SYNE1: variants seen among roughly 807,000 people sequenced by gnomAD.
SYNE1 encodes the protein nesprin-1.
SYNE1 carries 616 observed loss-of-function variants against 1,111.0 expected under a neutral mutation model. That is an observed-to-expected ratio of 0.55 (90% CI 0.52 to 0.59). The LOEUF (loss-of-function observed/expected upper bound fraction) is 0.59, where lower values mean the gene tolerates loss of function less well. SYNE1 is among the 20% of genes least tolerant of loss of function. The probability of loss-of-function intolerance (pLI) is 0.00; values close to 1 mark genes in which losing one functional copy is unlikely to be tolerated. For synonymous variants in SYNE1, 3,855 were observed against 3,825.8 expected, an observed-to-expected ratio of 1.01 and a Z score of -0.28; for missense variants, 10,006 against 10,417.0, an observed-to-expected ratio of 0.96 and a Z score of 1.72.
At position 152,386,794 on chromosome 6, in the gene SYNE1, TTAAC is replaced by T. The variant is rs60042470; in HGVS notation, c.8487+274_8487+277del. Among the ~76,000 whole-genome samples, 31,144 of 151,674 alleles carry T rather than the reference TTAAC, an allele frequency of 0.21. 3,451 individuals are homozygous for T. The highest frequency in any genetic ancestry group is 0.41 in the East Asian group (2,119 of 5,140). ...ACATTTGATGTGCAAAGTAGAGAGA[TTAAC>T]TAAAAAAGCGGAGAAAGAGAAAAAT... On this transcript the variant is annotated intron_variant, in intron 54 of 145. Coordinates refer to ENST00000367255, the MANE Select transcript of SYNE1 (RefSeq NM_182961.4).
intron 37 of SYNE1, among the ~76,000 whole-genome samples, 175 bp downstream of exon 37, chr6:152,428,030 A>G (rs1448588645): frequency 6.6e-6 from 1 of 152,178 alleles, no homozygotes; most frequent in Non-Finnish European, 1.5e-5. Flanking sequence ...ACCCATATAT[A>G]TCCTCTCCAC....
chr6:152,406,932 T>C (rs2097910411), intron 45 of SYNE1, 82 bp downstream of exon 45: 8 of 1,165,574 alleles, frequency 6.9e-6, no homozygotes, highest in Admixed American at 2.7e-5. Flanking sequence ...AAGAATAAAC[T>C]TTTAAGAAAG....
chr6:152,281,876 G>A lies in SYNE1; in HGVS notation c.18312C>T (p.Ala6104=). The A allele has an allele frequency of 4.3e-6, 7 of 1,614,182 alleles. No homozygotes were observed. The highest frequency in any genetic ancestry group is 5.9e-6 in the Non-Finnish European group (7 of 1,180,024). The change falls in exon 97 of 146, where the codon GCC becomes GCT. Residue 6104 remains alanine, a synonymous_variant. Transcript: ENST00000367255. ...GTGGACTCAGCGCAGTGTCCAGAGT[G>A]GCCTTGGTACTCAAGAGCCAGCTGT... The part of the protein sequence containing the change: ...ELDSWLLSTK[A]TLDTALSPPK...
At chr6:152,344,311 G>T (rs2096593007) in intron 73 of SYNE1, 84 bp from the exon 74 acceptor site, 8 of 1,567,860 alleles carry the variant, frequency 5.1e-6, no homozygotes, top group Non-Finnish European at 7.0e-6. Flanking sequence ...AACATGACCA[G>T]TACATCTAAA....
rs377531174 is a variant in SYNE1 at position 152,407,088 on chromosome 6, C to A, written c.6649G>T (p.Val2217Phe). Residue 2217 changes from valine (V) to phenylalanine (F), a missense_variant, in exon 45 of 146, where the codon GTT (valine) becomes TTT (phenylalanine). Transcript: ENST00000367255. ...CTGATGTTTTCTGCCATCTGTGGAA[C>A]GCAGTTGTTTGACCATCCCTCAATC... ...DEIEGWSNNC[V>F]PQMAENISNL... is the part of the protein sequence containing the mutation. 6.2e-7 allele frequency: 1 copy of A among 1,613,746 alleles called. No individual in the cohort carries two copies. Among genetic ancestry groups the A allele is most frequent in the Non-Finnish European group, 8.5e-7 (1 of 1,179,970 alleles).
At chr6:152,317,129 G>C in intron 86 of SYNE1, 143 bp from the exon 87 acceptor site, 1 of 979,928 alleles carries the variant, frequency 1.0e-6, no homozygotes. Context: ...TCAAAAGATC[G>C]TTTCCCTGTT....
chr6:152,527,821 T>A (rs1013227878), intron 4 of SYNE1, among the ~76,000 whole-genome samples: 2 of 152,242 alleles, frequency 1.3e-5, no homozygotes, highest in African/African-American at 2.4e-5. Context: ...CACATCTTCA[T>A]CTGTTTCGAT....
intron 39 of SYNE1, among the ~76,000 whole-genome samples, chr6:152,424,701 A>T (rs1251596310): frequency 6.6e-6 from 1 of 152,216 alleles, no homozygotes; most frequent in Non-Finnish European, 1.5e-5. Context: ...AGCTCCATGA[A>T]AGCAAAGGAT....
chr6:152,491,634 C>T (rs1441509976), intron 11 of SYNE1, among the ~76,000 whole-genome samples: 1 of 152,156 alleles, frequency 6.6e-6, no homozygotes, highest in African/African-American at 2.4e-5. Context: ...TCTTACAAGA[C>T]CTGGATGATT....
chr6:152,302,134 T>C, intron 91 of SYNE1, 71 bp from the exon 92 acceptor site: 2 of 1,595,096 alleles, frequency 1.3e-6, no homozygotes, highest in South Asian at 1.1e-5. Flanking sequence ...AGCGTTCATC[T>C]TCCTGCAGGG....
chr6:152,567,236 A>G (rs967673903), intron 3 of SYNE1, among the ~76,000 whole-genome samples: 2 of 152,184 alleles, frequency 1.3e-5, no homozygotes, highest in African/African-American at 4.8e-5. Context: ...TTCTTTTTAA[A>G]AGCTGAATAA....
chr6:152,226,719 G>A (rs535950584), intron 115 of SYNE1, among the ~76,000 whole-genome samples: 7 of 152,234 alleles, frequency 4.6e-5, no homozygotes, highest in East Asian at 1.9e-4. Flanking sequence ...CAAGTCATCC[G>A]ACCTGTCTTG....
intron 130 of SYNE1, chr6:152,168,195 C>T: frequency 2.6e-6 from 2 of 769,776 alleles, no homozygotes; most frequent in Non-Finnish European, 4.8e-6. Context: ...AGGTCCTCCG[C>T]CACCACCATG....
rs776202881 is a variant in SYNE1 at position 152,331,900 on chromosome 6, C to T, written c.12795-10G>A. 2.0e-5 allele frequency: 33 copies of T among 1,609,848 alleles called. No individual in the cohort carries two copies. The highest frequency in any genetic ancestry group is 2.7e-5 in the Non-Finnish European group (32 of 1,179,998). The stretch of plus-strand genomic sequence containing the variant: ...ACTCTCTGCATCAGATCTGAAAATA[C>T]ATGGAAAGGTATAAGAGCAAATTAG... On this transcript the variant is annotated splice_polypyrimidine_tract_variant and intron_variant, in intron 77 of 145. Coordinates refer to ENST00000367255, the MANE Select transcript of SYNE1 (RefSeq NM_182961.4).
chr6:152,330,336 G>A lies in SYNE1; in HGVS notation c.14349C>T (p.His4783=), dbSNP rs767810691. Residue 4783 remains histidine (H), a synonymous_variant, in exon 78 of 146, where the codon CAC becomes CAT. Transcript: ENST00000367255. The stretch of plus-strand genomic sequence containing the variant: ...TCTCCAGCTGTTGGCACATCTTCTC[G>A]TGTTCTTGGTAAGCACTGGTGGTGT... ...LEDTTSAYQE[H]EKMCQQLERQ... is the part of the protein sequence containing the mutation. 12 of 1,614,076 alleles carry A rather than the reference G, an allele frequency of 7.4e-6. No individual in the cohort carries two copies. The highest frequency in any genetic ancestry group is 4.5e-5 in the East Asian group (2 of 44,882).
chr6:152,381,870 C>T (rs767932762), intron 55 of SYNE1, among the ~76,000 whole-genome samples: 8 of 152,092 alleles, frequency 5.3e-5, no homozygotes, highest in Non-Finnish European at 1.0e-4. Flanking sequence ...GAGCCCTACT[C>T]GATTCCAAAT....
At chr6:152,564,968 A>G (rs1333722864) in intron 3 of SYNE1, among the ~76,000 whole-genome samples, 1 of 152,224 alleles carries the variant, frequency 6.6e-6, no homozygotes, top group Non-Finnish European at 1.5e-5. Flanking sequence ...CACTTATCAC[A>G]TAGTATTCAT....
chr6:152,282,599 T>C (rs2094103535), intron 96 of SYNE1, among the ~76,000 whole-genome samples: 1 of 152,192 alleles, frequency 6.6e-6, no homozygotes, highest in Admixed American at 6.5e-5. Flanking sequence ...CCCACAAGTT[T>C]TTCATAGAGT....
chr6:152,161,479 T>C (rs1274454419), intron 131 of SYNE1, among the ~76,000 whole-genome samples: 1 of 152,018 alleles, frequency 6.6e-6, no homozygotes. Flanking sequence ...GTCTCCATTC[T>C]GAATGCTTTT....
Sources: gnomAD v4.1 joint callset for allele counts (sites outside exome capture counted in the v4.1 genomes callset) on GRCh38, gnomAD v4.1.1 for gene constraint, MANE v1.5 for transcripts, NCBI Gene and HGNC (gene_info 2026-07-23, HGNC 2026-07-21) for gene names.